Variants in RYR2 observed in about 807,000 individuals in gnomAD.
RYR2 encodes cardiac muscle ryanodine receptor-calcium release channel.
In RYR2, 227 loss-of-function variants were observed where a neutral mutation model predicts 601.1. That is an observed-to-expected ratio of 0.38 (90% CI 0.34 to 0.42). The LOEUF (loss-of-function observed/expected upper bound fraction) is 0.42. Ranked by LOEUF, RYR2 falls within the 10% of genes least tolerant of loss-of-function variation. RYR2 has a pLI of 1.00. For synonymous variants in RYR2, 2,223 were observed against 2,175.1 expected (o/e 1.02, Z -0.61); for missense variants, 4,646 against 6,156.5 (o/e 0.75, Z 8.21).
intron 24 of RYR2, among the ~76,000 whole-genome samples, chr1:237,520,225 T>C (rs376742061): frequency 6.6e-6 from 1 of 152,198 alleles, no homozygotes; most frequent in South Asian, 2.1e-4. Context: ...AGGTTTTCCT[T>C]GACATAAGAT....
intron 2 of RYR2, among the ~76,000 whole-genome samples, chr1:237,311,681 G>T (rs1414456061): frequency 7.3e-5 from 11 of 151,710 alleles, no homozygotes; most frequent in Admixed American, 3.3e-4. Flanking sequence ...ATTTCACCAT[G>T]TTGCCCAGTC....
At chr1:237,478,461 C>A (rs142921600) in intron 17 of RYR2, among the ~76,000 whole-genome samples, 222 of 152,156 alleles carry the variant, frequency 1.5e-3, no homozygotes, top group African/African-American at 4.5e-3. Flanking sequence ...GCACCTAGCA[C>A]CTTTTATTTT....
At chr1:237,062,187 T>C (rs1490763249) in intron 1 of RYR2, among the ~76,000 whole-genome samples, 5 of 152,256 alleles carry the variant, frequency 3.3e-5, no homozygotes, top group Admixed American at 2.6e-4. Context: ...AACTTTGCTC[T>C]AAGTCTTCAA....
At chr1:237,499,870 C>G (rs915676406) in intron 20 of RYR2, among the ~76,000 whole-genome samples, 1 of 152,124 alleles carries the variant, frequency 6.6e-6, no homozygotes, top group African/African-American at 2.4e-5. Flanking sequence ...ACCTTCTTTT[C>G]TTTCATTGTG....
At chr1:237,273,927 AAT>A (rs1203764557) in intron 2 of RYR2, among the ~76,000 whole-genome samples, 3 of 146,078 alleles carry the variant, frequency 2.1e-5, no homozygotes, top group Admixed American at 1.4e-4. Flanking sequence ...AGTATTATAA[AAT>A]ATATATTATA....
intron 1 of RYR2, among the ~76,000 whole-genome samples, chr1:237,128,134 G>T (rs1390870419): frequency 6.6e-6 from 1 of 152,198 alleles, no homozygotes; most frequent in Admixed American, 6.5e-5. Context: ...TGCAATCCCG[G>T]CACCTCGGGA....
intron 27 of RYR2, among the ~76,000 whole-genome samples, chr1:237,556,439 T>A (rs1181863070): frequency 1.3e-5 from 2 of 150,712 alleles, no homozygotes; most frequent in East Asian, 3.9e-4. Context: ...TAGCTGGGAC[T>A]ACATGCGCCT....
At chr1:237,465,126 G>A (rs1045755924) in intron 16 of RYR2, among the ~76,000 whole-genome samples, 7 of 151,300 alleles carry the variant, frequency 4.6e-5, no homozygotes, top group East Asian at 1.9e-4. Context: ...ATGCATGCAC[G>A]ATGTTCAGGA....
intron 38 of RYR2, among the ~76,000 whole-genome samples, chr1:237,620,559 C>T (rs558752657): frequency 6.6e-6 from 1 of 151,786 alleles, no homozygotes; most frequent in African/African-American, 2.4e-5. Flanking sequence ...CTATGAGAAA[C>T]TCACTTCAAA....
intron 1 of RYR2, among the ~76,000 whole-genome samples, chr1:237,156,900 G>A (rs1018825048): frequency 6.6e-6 from 1 of 152,182 alleles, no homozygotes; most frequent in Non-Finnish European, 1.5e-5. Flanking sequence ...TGCTGGCAAG[G>A]AGGCAGAGAA....
Position 237,454,378 on chromosome 1 carries a change from T to G in RYR2, c.1293-13T>G, listed in dbSNP as rs1298729874. 1 of 1,580,484 alleles carries G rather than the reference T, an allele frequency of 6.3e-7. No individual in the cohort carries two copies. Among genetic ancestry groups the G allele is most frequent in the Non-Finnish European group, 8.6e-7 (1 of 1,167,428 alleles). On this transcript the variant is annotated splice_polypyrimidine_tract_variant and intron_variant, in intron 14 of 104. Coordinates refer to ENST00000366574, the MANE Select transcript of RYR2 (RefSeq NM_001035.3). ...ATCACTGACAATAGAGAAATGTTTA[T>G]GGTTTATTTTAGGGGCCTTGATGCT...
chr1:237,087,767 A>G (rs1666515417), intron 1 of RYR2, among the ~76,000 whole-genome samples: 1 of 152,058 alleles, frequency 6.6e-6, no homozygotes, highest in South Asian at 2.1e-4. Flanking sequence ...TCCCCCCTCC[A>G]CAGTGGGGCT....
intron 2 of RYR2, among the ~76,000 whole-genome samples, chr1:237,314,456 T>C (rs1694910388): frequency 6.6e-6 from 1 of 152,218 alleles, no homozygotes; most frequent in African/African-American, 2.4e-5. Flanking sequence ...TTAAAATATA[T>C]TTATAGCTAA....
intron 1 of RYR2, among the ~76,000 whole-genome samples, chr1:237,116,001 T>C (rs976258380): frequency 6.6e-6 from 1 of 152,182 alleles, no homozygotes; most frequent in African/African-American, 2.4e-5. Flanking sequence ...AGGAGAAAAC[T>C]ATGAGAAGAA....
intron 4 of RYR2, among the ~76,000 whole-genome samples, chr1:237,362,975 CT>C (rs1252642744): frequency 6.6e-6 from 1 of 151,756 alleles, no homozygotes; most frequent in Non-Finnish European, 1.5e-5. Context: ...GCTGACCACT[CT>C]TTTTTTTGTT....
chr1:237,543,846 A>C (rs1389937882), intron 25 of RYR2, among the ~76,000 whole-genome samples: 1 of 152,202 alleles, frequency 6.6e-6, no homozygotes, highest in Admixed American at 6.6e-5. Context: ...TGCTTAGGAA[A>C]AATGTGGGTC....
chr1:237,524,491 A>G (rs1221722415), intron 24 of RYR2, among the ~76,000 whole-genome samples: 3 of 152,234 alleles, frequency 2.0e-5, no homozygotes, highest in African/African-American at 7.2e-5. Context: ...ATGCAACTCT[A>G]TAAATTTAAT....
chr1:237,640,674 A>C (rs1468306351), intron 46 of RYR2, among the ~76,000 whole-genome samples: 2 of 152,202 alleles, frequency 1.3e-5, no homozygotes, highest in African/African-American at 2.4e-5. Flanking sequence ...TCTTAATACT[A>C]AAATTTCCAC....
intron 53 of RYR2, among the ~76,000 whole-genome samples, chr1:237,656,544 G>A (rs955607921): frequency 2.0e-5 from 3 of 152,152 alleles, no homozygotes; most frequent in Admixed American, 6.5e-5. Flanking sequence ...TCAGGTGTTC[G>A]ACGTCTGAGC....
Sources: allele counts gnomAD v4.1 joint callset (sites outside exome capture counted in the v4.1 genomes callset), GRCh38; gene constraint gnomAD v4.1.1; transcripts MANE v1.5; gene names NCBI Gene and HGNC (gene_info 2026-07-23, HGNC 2026-07-21).